The following SLFN12L variants were observed in gnomAD, a reference collection of about 807,000 sequenced individuals.
SLFN12L encodes schlafen family member 12-like.
A neutral mutation model predicts 34.8 loss-of-function variants in SLFN12L; 34 were observed. The ratio of observed to expected loss-of-function variants is 0.98; its 90% confidence interval spans 0.74 to 1.30. The LOEUF (loss-of-function observed/expected upper bound fraction) is 1.30, where lower values mean the gene tolerates loss of function less well. Ranked by LOEUF, SLFN12L falls within the 50% of genes most tolerant of loss-of-function variation. The pLI, the probability that SLFN12L is intolerant of heterozygous loss-of-function variation, is 0.00. For synonymous variants in SLFN12L, 259 were observed against 247.5 expected, an observed-to-expected ratio of 1.05 and a Z score of -0.44; for missense variants, 703 against 696.2, an observed-to-expected ratio of 1.01 and a Z score of -0.11.
In SLFN12L at chr17:35,465,511, C is replaced by T. The variant is rs1432630805; in HGVS notation, c.*9412G>A. 6.6e-6 allele frequency among the ~76,000 whole-genome samples: 1 copy of T among 151,338 alleles called. No homozygotes were observed. Among genetic ancestry groups the T allele is most frequent in the Non-Finnish European group, 1.5e-5 (1 of 67,860 alleles). On this transcript the variant is annotated 3_prime_UTR_variant, in exon 5 of 5. Coordinates refer to ENST00000628453, the MANE Select transcript of SLFN12L (RefSeq NM_001363830.2). ...TTGATAAAATAGGATTATATAAATC[C>T]CATTAAAATAGTTAATATGGTTCAA...
In SLFN12L at chr17:35,480,121, G is replaced by C; in HGVS notation, c.161C>G (p.Ala54Gly). 6.2e-7 allele frequency: 1 copy of C among 1,613,676 alleles called. No individual in the cohort carries two copies. Residue 54 changes from alanine to glycine, a missense_variant, in exon 3 of 5, where the codon GCT becomes GGT. Coordinates refer to ENST00000628453, the MANE Select transcript of SLFN12L (RefSeq NM_001363830.2). ...TCTTCCCACATTTAGAACCAGCTCA[G>C]CATAGTTTGTGTCTAAATCAATACT... ...NISIDLDTNY[A>G]ELVLNVGRVT...
intron 2 of SLFN12L, among the ~76,000 whole-genome samples, chr17:35,501,905 G>T (rs1039008708): frequency 6.6e-6 from 1 of 151,996 alleles, no homozygotes; most frequent in East Asian, 1.9e-4. Context: ...GTGGTTGAGA[G>T]AACAGCAGCA....
chr17:35,502,442 A>C (rs1331012915), intron 2 of SLFN12L, among the ~76,000 whole-genome samples: 3 of 150,710 alleles, frequency 2.0e-5, no homozygotes, highest in Non-Finnish European at 4.4e-5. Context: ...AAAAAAAAAA[A>C]ACGATGATTT....
chr17:35,469,502 GTTC>G lies in SLFN12L; in HGVS notation c.*5418_*5420del, dbSNP rs1330890371. Among the ~76,000 whole-genome samples the G allele has an allele frequency of 6.6e-6, 1 of 151,308 alleles. No individual in the cohort carries two copies. Among genetic ancestry groups the G allele is most frequent in the African/African-American group, 2.4e-5 (1 of 41,138 alleles). ...CAAGGGCTCTTTATACTTCCACATT[GTTC>G]TTCTATCTTACTCTTACAATAAAAT... On this transcript the variant is annotated 3_prime_UTR_variant, in exon 5 of 5. Coordinates refer to ENST00000628453, the MANE Select transcript of SLFN12L (RefSeq NM_001363830.2).
At chr17:35,521,091 A>G (rs898359025) in intron 2 of SLFN12L, among the ~76,000 whole-genome samples, 1 of 152,210 alleles carries the variant, frequency 6.6e-6, no homozygotes, top group African/African-American at 2.4e-5. Context: ...AAAACATCAG[A>G]CAAACCCAAA....
chr17:35,496,527 G>T (rs1453746654), intron 2 of SLFN12L, among the ~76,000 whole-genome samples: 1 of 45,592 alleles, frequency 2.2e-5, no homozygotes, highest in East Asian at 4.9e-4. Context: ...CCGTCCCTCC[G>T]GCCCCTCCTT....
At chr17:35,483,811 G>T (rs1367243153) in intron 2 of SLFN12L, among the ~76,000 whole-genome samples, 1 of 152,128 alleles carries the variant, frequency 6.6e-6, no homozygotes, top group Non-Finnish European at 1.5e-5. Flanking sequence ...GGCTATAAAG[G>T]GGTCAGAATA....
At chr17:35,496,270 G>A (rs1353323833) in intron 2 of SLFN12L, among the ~76,000 whole-genome samples, 2 of 152,012 alleles carry the variant, frequency 1.3e-5, no homozygotes, top group Non-Finnish European at 2.9e-5. Flanking sequence ...AATCTTATGA[G>A]CCCAGGAAAT....
chr17:35,530,402 GAA>G (rs1567693428), intron 1 of SLFN12L, among the ~76,000 whole-genome samples: 266 of 11,118 alleles, frequency 0.024, 25 homozygotes, highest in East Asian at 0.077. Flanking sequence ...AGGAAGGAAG[GAA>G]GGAAGGAAGG....
chr17:35,490,031 TC>T, intron 2 of SLFN12L: 1 of 1,601,402 alleles, frequency 6.2e-7, no homozygotes, highest in African/African-American at 1.3e-5. Context: ...CACGAACACT[TC>T]CACCACCTCC....
At position 35,496,383 on chromosome 17, in the gene SLFN12L, T is replaced by C. The variant is rs139931846; in HGVS notation, c.87-16188A>G. Among the ~76,000 whole-genome samples, 642 of 152,190 alleles carry C rather than the reference T, an allele frequency of 4.2e-3. 13 individuals are homozygous for C. The highest frequency in any genetic ancestry group is 0.033 in the Admixed American group (505 of 15,290). On this transcript the variant is annotated intron_variant, in intron 2 of 4. Coordinates refer to ENST00000628453, the MANE Select transcript of SLFN12L (RefSeq NM_001363830.2). The stretch of plus-strand genomic sequence containing the variant: ...GATTTCTTAAATGTTAATTATGAAA[T>C]ATTTCAGACGTACAAAAAAGTGTAC...
chr17:35,535,613 A>G (rs936001579), intron 1 of SLFN12L, among the ~76,000 whole-genome samples: 2 of 151,794 alleles, frequency 1.3e-5, no homozygotes, highest in East Asian at 1.9e-4. Context: ...CAGCCTCCCA[A>G]GTAGCTGGGA....
intron 2 of SLFN12L, among the ~76,000 whole-genome samples, chr17:35,508,208 C>T (rs1567675724): frequency 1.3e-5 from 2 of 152,198 alleles, no homozygotes; most frequent in Admixed American, 1.3e-4. Context: ...TTCATGTGGA[C>T]CCCCTTAGAG....
intron 2 of SLFN12L, among the ~76,000 whole-genome samples, chr17:35,519,603 C>A (rs886286649): frequency 1.3e-5 from 2 of 152,096 alleles, no homozygotes; most frequent in African/African-American, 4.8e-5. Flanking sequence ...CACTTCAATC[C>A]CCACCCTTTG....
intron 2 of SLFN12L, chr17:35,515,259 C>T (rs572583146): frequency 4.8e-5 from 22 of 453,936 alleles, no homozygotes; most frequent in Non-Finnish European, 7.9e-5. Flanking sequence ...ACCATCCGAG[C>T]ACAGGGAGCC....
At chr17:35,490,477 G>T (rs79125027) in intron 2 of SLFN12L, 27,523 of 975,220 alleles carry the variant, frequency 0.028, 542 homozygotes, top group Non-Finnish European at 0.034. Flanking sequence ...AAGGATTTAT[G>T]ATATCACCAA....
chr17:35,511,469 T>G (rs1400018048), intron 2 of SLFN12L, among the ~76,000 whole-genome samples: 4 of 152,188 alleles, frequency 2.6e-5, no homozygotes, highest in Admixed American at 2.6e-4. Context: ...GTTCTAGTTG[T>G]CTGTTAATAG....
At chr17:35,490,070 G>A (rs111787539) in intron 2 of SLFN12L, 7 of 1,606,294 alleles carry the variant, frequency 4.4e-6, no homozygotes, top group South Asian at 2.2e-5. Flanking sequence ...AAGCGGCGCC[G>A]TAGCCACCGG....
In SLFN12L at chr17:35,535,962, AGTTTGTTT is replaced by A. The variant is rs111617647; in HGVS notation, c.-606+1603_-606+1610del. On this transcript the variant is annotated intron_variant, in intron 1 of 4. Transcript: ENST00000628453. ...TGAGCCACCACACCCGGCCCTGGCTAGTTTGTTTGTTTGTTTGTTTGTTTGTTTGTTTG... is the reference window on the plus strand; with the variant it reads ...TGAGCCACCACACCCGGCCCTGGCTAGTTTGTTTGTTTGTTTGTTTGTTTG... 0.015 allele frequency among the ~76,000 whole-genome samples: 2,310 copies of A among 149,626 alleles called. 90 individuals carry two copies. The East Asian group carries it at 0.18, about 12-fold the overall frequency.
Sources: gnomAD v4.1 joint callset for allele counts (sites outside exome capture counted in the v4.1 genomes callset) on GRCh38, gnomAD v4.1.1 for gene constraint, MANE v1.5 for transcripts, NCBI Gene and HGNC (gene_info 2026-07-23, HGNC 2026-07-21) for gene names.